The following CSMD3 variants were observed in gnomAD, a reference collection of about 807,000 sequenced individuals.
CSMD3 encodes CUB and sushi domain-containing protein 3.
A neutral mutation model predicts 435.2 loss-of-function variants in CSMD3; 177 were observed. The ratio of observed to expected loss-of-function variants is 0.41; its 90% confidence interval spans 0.36 to 0.46. CSMD3 has a LOEUF of 0.46. Ranked by LOEUF, CSMD3 falls within the 20% of genes least tolerant of loss-of-function variation. The pLI, the probability that CSMD3 is intolerant of heterozygous loss-of-function variation, is 0.34. For missense variants in CSMD3, 4,265 were observed against 4,504.6 expected (o/e 0.95, Z 1.52); for synonymous variants, 1,656 against 1,520.5 (o/e 1.09, Z -2.07).
chr8:112,223,025 T>C lies in CSMD3; in HGVS notation c.*1746A>G. 1.0e-5 allele frequency: 4 copies of C among 398,454 alleles called. No individual in the cohort carries two copies. The highest frequency in any genetic ancestry group is 1.8e-5 in the Non-Finnish European group (4 of 225,682). The allele number at this position is 398,454 out of a possible 1,614,324, so 24.7% of individuals were successfully genotyped here. A position where few individuals can be genotyped will look rare whatever the true frequency, so the allele number is the denominator to read the frequency against. Reference sequence around the variant, plus strand: ...TTTCTTTTCATAAAAATATACTTCTTTACAAAAGTGTATGCATTAATATAA... The same window carrying C: ...TTTCTTTTCATAAAAATATACTTCTCTACAAAAGTGTATGCATTAATATAA... On this transcript the variant is annotated 3_prime_UTR_variant, in exon 71 of 71. Coordinates refer to ENST00000297405, the MANE Select transcript of CSMD3 (RefSeq NM_198123.2).
intron 7 of CSMD3, among the ~76,000 whole-genome samples, chr8:112,956,262 T>C (rs2084016089): frequency 6.6e-6 from 1 of 151,994 alleles, no homozygotes; most frequent in Admixed American, 6.6e-5. Context: ...AAAAAATGAC[T>C]ACATCCCTCC....
chr8:112,283,952 T>G (rs1308905712), intron 58 of CSMD3, among the ~76,000 whole-genome samples: 1 of 151,856 alleles, frequency 6.6e-6, no homozygotes, highest in Non-Finnish European at 1.5e-5. Flanking sequence ...ATATCATAAA[T>G]ATTCTGACTG....
chr8:113,059,723 T>G (rs1451023098), intron 5 of CSMD3, among the ~76,000 whole-genome samples: 1 of 152,146 alleles, frequency 6.6e-6, no homozygotes, highest in Non-Finnish European at 1.5e-5. Context: ...ATATCAGCTA[T>G]TTCTAAGAAA....
intron 13 of CSMD3, among the ~76,000 whole-genome samples, chr8:112,699,489 C>T (rs1587003277): frequency 6.6e-6 from 1 of 152,180 alleles, no homozygotes; most frequent in Non-Finnish European, 1.5e-5. Context: ...AAACTAACAT[C>T]TGGCAACCAT....
chr8:112,503,826 A>G lies in CSMD3; in HGVS notation c.5047T>C (p.Ser1683Pro), dbSNP rs1437163294. 1.2e-6 allele frequency: 2 copies of G among 1,612,708 alleles called. No homozygotes were observed. The highest frequency in any genetic ancestry group is 1.7e-6 in the Non-Finnish European group (2 of 1,179,164). ...AGATGAAATCCAGTGTAACTAACAG[A>G]TCCATCACTCCGAAAAGCCAAATGC... is the stretch of plus-strand genomic sequence containing the variant. ...TMHLAFRSDG[S>P]VSYTGFHLEY... is the part of the protein sequence containing the mutation. The change falls in exon 30 of 71, where the codon TCT (serine) becomes CCT (proline). Residue 1683 changes from serine (S) to proline (P), a missense_variant. By Grantham distance (74) the Ser-to-Pro change is moderately conservative. This residue lies in a region of CSMD3 where 3,255 missense variants were observed against 3,380.2 expected (regional missense o/e 0.96). Coordinates refer to ENST00000297405, the MANE Select transcript of CSMD3 (RefSeq NM_198123.2).
At chr8:112,400,065 G>T (rs1237631068) in intron 35 of CSMD3, among the ~76,000 whole-genome samples, 1 of 152,098 alleles carries the variant, frequency 6.6e-6, no homozygotes, top group Non-Finnish European at 1.5e-5. Context: ...TTTTGTTACA[G>T]TAGCACCCCA....
chr8:112,537,068 T>G (rs1826178393), intron 27 of CSMD3, among the ~76,000 whole-genome samples: 1 of 151,884 alleles, frequency 6.6e-6, no homozygotes, highest in Admixed American at 6.6e-5. Flanking sequence ...TACCTAATGC[T>G]AAATGACGAG....
At chr8:112,284,915 C>T (rs1261965220) in intron 58 of CSMD3, among the ~76,000 whole-genome samples, 2 of 151,732 alleles carry the variant, frequency 1.3e-5, no homozygotes, top group Non-Finnish European at 2.9e-5. Context: ...TTTTATATTA[C>T]CGTGTTTAAA....
rs1297740407 is a variant in CSMD3 at position 112,412,892 on chromosome 8, C to A, written c.5396-3860G>T. ...ATTGATGTGGCAGCTTTTCTTTATT[C>A]CACCCATGAAAAGATGTTAGGCTGG... On this transcript the variant is annotated intron_variant, in intron 32 of 70. Coordinates refer to ENST00000297405, the MANE Select transcript of CSMD3 (RefSeq NM_198123.2). 3.3e-5 allele frequency among the ~76,000 whole-genome samples: 5 copies of A among 152,110 alleles called. No homozygotes were observed. In the East Asian group the frequency reaches 7.7e-4, roughly 24 times the overall value.
chr8:112,609,111 A>G (rs1434100790), intron 22 of CSMD3, among the ~76,000 whole-genome samples: 1 of 146,244 alleles, frequency 6.8e-6, no homozygotes, highest in African/African-American at 2.5e-5. Context: ...CTGAGGCAGG[A>G]GAATCGCTTG....
At chr8:112,999,810 T>C (rs972065977) in intron 6 of CSMD3, among the ~76,000 whole-genome samples, 2 of 151,540 alleles carry the variant, frequency 1.3e-5, no homozygotes, top group Non-Finnish European at 1.5e-5. Context: ...TAAACATTTG[T>C]CCTGAATAAA....
At chr8:112,749,754 T>C (rs1487342354) in intron 13 of CSMD3, among the ~76,000 whole-genome samples, 1 of 152,124 alleles carries the variant, frequency 6.6e-6, no homozygotes, top group Non-Finnish European at 1.5e-5. Context: ...TATGCTCCCT[T>C]GGTTTGATCC....
intron 3 of CSMD3, among the ~76,000 whole-genome samples, chr8:113,277,918 AC>A (rs5894136): frequency 0.22 from 33,242 of 151,612 alleles, 4,752 homozygotes; most frequent in African/African-American, 0.41. Flanking sequence ...GCCTTTAAAC[AC>A]TCTGAGTAGA....
chr8:112,491,115 G>C (rs1389139512), intron 31 of CSMD3, among the ~76,000 whole-genome samples: 1 of 152,082 alleles, frequency 6.6e-6, no homozygotes, highest in African/African-American at 2.4e-5. Context: ...CCAGAGAAGG[G>C]TAAGTCAGAA....
At chr8:112,230,835 A>C (rs891818824) in intron 69 of CSMD3, among the ~76,000 whole-genome samples, 1 of 152,096 alleles carries the variant, frequency 6.6e-6, no homozygotes, top group Non-Finnish European at 1.5e-5. Context: ...AAAAAAGTTC[A>C]TTTCTTAAAA....
intron 22 of CSMD3, among the ~76,000 whole-genome samples, chr8:112,594,968 C>A (rs1831554194): frequency 6.6e-6 from 1 of 152,086 alleles, no homozygotes; most frequent in African/African-American, 2.4e-5. Flanking sequence ...CTCTCCTCCT[C>A]CAAAGGAACG....
chr8:113,292,700 AT>A (rs2093694502), intron 2 of CSMD3, among the ~76,000 whole-genome samples: 1 of 151,916 alleles, frequency 6.6e-6, no homozygotes, highest in Admixed American at 6.6e-5. Context: ...CATAGTAGTT[AT>A]ATTAACAGTT....
At chr8:112,973,849 T>C (rs990365680) in intron 7 of CSMD3, among the ~76,000 whole-genome samples, 2 of 151,872 alleles carry the variant, frequency 1.3e-5, no homozygotes, top group Admixed American at 1.3e-4. Flanking sequence ...AAGAACCAAT[T>C]TGAATTAAAG....
rs1817646427 is a variant in CSMD3, at chr8:112,463,367, AAG to A, written c.5395+9222_5395+9223del. ...ACAGAGTAAGACTCTGTCTCAAAGA[AAG>A]AGAAAAAAAGAAGTCCAAACCAACT... On this transcript the variant is annotated intron_variant, in intron 32 of 70. Coordinates refer to ENST00000297405, the MANE Select transcript of CSMD3 (RefSeq NM_198123.2). Among the ~76,000 whole-genome samples the A allele has an allele frequency of 2.0e-5, 3 of 152,150 alleles. 1 individual carries two copies. The highest frequency in any genetic ancestry group is 2.0e-4 in the Admixed American group (3 of 15,280).
Sources: gnomAD v4.1 joint callset for allele counts (sites outside exome capture counted in the v4.1 genomes callset) on GRCh38, gnomAD v4.1.1 for gene constraint, gnomAD v4.1.1 regional missense constraint, MANE v1.5 for transcripts, NCBI Gene and HGNC (gene_info 2026-07-23, HGNC 2026-07-21) for gene names.